The following HSPG2 variants were observed in gnomAD, a reference collection of about 807,000 sequenced individuals.
The protein encoded by HSPG2 is heparan sulfate proteoglycan 2, also known as basement membrane-specific heparan sulfate proteoglycan core protein.
A neutral mutation model predicts 526.6 loss-of-function variants in HSPG2; 278 were observed. The observed-to-expected ratio is 0.53, with a 90% CI of 0.48 to 0.58. HSPG2 has a LOEUF of 0.58. Among genes scored for constraint, HSPG2 ranks in the 20% least tolerant of loss-of-function variants. The probability of loss-of-function intolerance (pLI) is 0.00; values close to 1 mark genes in which losing one functional copy is unlikely to be tolerated. For missense variants in HSPG2, 5,354 were observed against 6,099.5 expected (o/e 0.88, Z 4.07); for synonymous variants, 2,465 against 2,555.4 (o/e 0.96, Z 1.07).
At chr1:21,835,680 C>G (rs771223726) in intron 75 of HSPG2, 43 bp from the exon 76 acceptor site, 1 of 1,472,312 alleles carries the variant, frequency 6.8e-7, no homozygotes, top group Admixed American at 1.7e-5. Flanking sequence ...TTGAAAACAA[C>G]TGATAGAATG....
In HSPG2 at chr1:21,870,877, G is replaced by A. The variant is rs1323197261; in HGVS notation, c.4221+1309C>T. The A allele has an allele frequency of 1.7e-5, 17 of 986,222 alleles. No individual in the cohort carries two copies. The East Asian group carries it at 1.2e-3, about 72-fold the overall frequency. 61.1% of individuals were successfully genotyped at this position (986,222 alleles called of 1,614,324 possible). On this transcript the variant is annotated intron_variant, in intron 33 of 96. Coordinates refer to ENST00000374695, the MANE Select transcript of HSPG2 (RefSeq NM_005529.7). ...CCGCGCAAAGTACGCCTCCCCCTGT[G>A]GGGCGCAGGGAAATGCCAGGACAGG... is the stretch of plus-strand genomic sequence containing the variant.
chr1:21,829,548 C>A lies in HSPG2; in HGVS notation c.11827G>T (p.Ala3943Ser). 1 of 1,612,224 alleles carries A rather than the reference C, an allele frequency of 6.2e-7. No individual in the cohort carries two copies. Among genetic ancestry groups the A allele is most frequent in the Non-Finnish European group, 8.5e-7 (1 of 1,179,330 alleles). The change falls in exon 87 of 97, where the codon GCC becomes TCC. Residue 3943 changes from alanine to serine, a missense_variant. Transcript: ENST00000374695. ...AGCTCGTGGTGTGTGTTGGTGAGGG[C>A]GGGCAGTGCCAGGTAGGAGCCAGCA... ...SGAGSYLALPALTNTHHELRL... is the reference protein window; with the variant it reads ...SGAGSYLALPSLTNTHHELRL...
At chr1:21,916,274 G>GGT (rs1336268867) in intron 1 of HSPG2, among the ~76,000 whole-genome samples, 1 of 152,122 alleles carries the variant, frequency 6.6e-6, no homozygotes, top group Non-Finnish European at 1.5e-5. Flanking sequence ...GACCGAGGCG[G>GGT]GTGGATCATG....
chr1:21,841,078 CA>C (rs2098046447), intron 71 of HSPG2, 22 bp downstream of exon 71: 1 of 1,577,344 alleles, frequency 6.3e-7, no homozygotes, highest in African/African-American at 1.4e-5. Flanking sequence ...GCCTCAGACC[CA>C]GAGAGGCAGC....
rs767712046 is a variant in HSPG2 at position 21,831,323 on chromosome 1, G to C, written c.11454C>G (p.Gly3818=). 3 of 1,613,812 alleles carry C rather than the reference G, an allele frequency of 1.9e-6. No individual in the cohort carries two copies. Among genetic ancestry groups the C allele is most frequent in the Admixed American group, 3.3e-5 (2 of 60,002 alleles). The change falls in exon 84 of 97, where the codon GGC becomes GGG. Residue 3818 remains glycine, a splice_region_variant and synonymous_variant. Coordinates refer to ENST00000374695, the MANE Select transcript of HSPG2 (RefSeq NM_005529.7). The part of the protein sequence containing the change: ...PKAGLSSGFI[G]CVRELRIQGE... ...CCTGGATGCGCAGCTCCCGGACACA[G>C]CCTGGGAGGTGAGTGGGCAGGATGA...
rs757191314 is a variant in HSPG2, at chr1:21,829,014, G to A, written c.12058C>T (p.Arg4020Cys). ...CGCAGGCTGCCGTCCTTGTTGAGAC[G>A]CTCTGCAGACACACGGTGCCAGCGG... ...LGRWHRVSAERLNKDGSLRVN... is the reference protein window; with the variant it reads ...LGRWHRVSAECLNKDGSLRVN... The change falls in exon 88 of 97, where the codon CGT becomes TGT. Residue 4020 changes from arginine (R) to cysteine (C), a missense_variant. Arg to Cys is a radical substitution (Grantham distance 180). Coordinates refer to ENST00000374695, the MANE Select transcript of HSPG2 (RefSeq NM_005529.7). 11 of 1,560,080 alleles carry A rather than the reference G, an allele frequency of 7.1e-6. No individual in the cohort carries two copies. Among genetic ancestry groups the A allele is most frequent in the African/African-American group, 2.7e-5 (2 of 73,462 alleles).
chr1:21,901,163 GTTA>G (rs746001821), intron 1 of HSPG2, among the ~76,000 whole-genome samples: 15 of 152,022 alleles, frequency 9.9e-5, no homozygotes, highest in Non-Finnish European at 2.2e-4. Context: ...GTGAGCTTGT[GTTA>G]TTATTATTTC....
In HSPG2 at chr1:21,836,786, C is replaced by A; in HGVS notation, c.10355+16G>T. On this transcript the variant is annotated intron_variant, in intron 75 of 96. Transcript: ENST00000374695. ...CTATGCTGCCCAAGTCCAGTCCTGC[C>A]CCCGGCCCCACTCACCGGAGCACCC... The A allele has an allele frequency of 6.5e-7, 1 of 1,542,842 alleles. No homozygotes were observed. The highest frequency in any genetic ancestry group is 2.4e-5 in the East Asian group (1 of 41,458).
intron 13 of HSPG2, among the ~76,000 whole-genome samples, chr1:21,884,050 G>A (rs1641692518): frequency 6.6e-6 from 1 of 152,228 alleles, no homozygotes; most frequent in African/African-American, 2.4e-5. Flanking sequence ...CTGTCTCTCA[G>A]AATGAGGACA....
At chr1:21,877,292 G>A (rs968982968) in intron 21 of HSPG2, among the ~76,000 whole-genome samples, 5 of 149,690 alleles carry the variant, frequency 3.3e-5, no homozygotes, top group South Asian at 2.1e-4. Context: ...CTTTCCATTC[G>A]ACATCACCTC....
chr1:21,844,313 G>T lies in HSPG2; in HGVS notation c.8465-14C>A. ...CTCCACCTGGGGCTGGGGCACAGGG[G>T]AGAGGTCAGTGAGCTGAGATGCCAC... is the stretch of plus-strand genomic sequence containing the variant. On this transcript the variant is annotated splice_polypyrimidine_tract_variant and intron_variant, in intron 64 of 96. Coordinates refer to ENST00000374695, the MANE Select transcript of HSPG2 (RefSeq NM_005529.7). 1 of 1,608,180 alleles carries T rather than the reference G, an allele frequency of 6.2e-7. No individual in the cohort carries two copies. Among genetic ancestry groups the T allele is most frequent in the South Asian group, 1.1e-5 (1 of 90,912 alleles).
At chr1:21,913,669 C>A (rs527681690) in intron 1 of HSPG2, among the ~76,000 whole-genome samples, 1 of 152,200 alleles carries the variant, frequency 6.6e-6, no homozygotes, top group Non-Finnish European at 1.5e-5. Flanking sequence ...AAGGAGCCAT[C>A]CTAGGAAATG....
intron 1 of HSPG2, among the ~76,000 whole-genome samples, chr1:21,934,845 T>TCGGCCTCCCAAAGTC (rs1644443331): frequency 6.6e-6 from 1 of 151,888 alleles, no homozygotes; most frequent in Admixed American, 6.6e-5. Flanking sequence ...TCCGCTCGCC[T>TCGGCCTCCCAAAGTC]CGGCCTCCCA....
In HSPG2 at chr1:21,887,238, T is replaced by C. The variant is rs766071606; in HGVS notation, c.1055A>G (p.Asp352Gly). ...ACGGCAGTTGGCTTCATCAGTTCGG[T>C]CCTCACAGTCAAAGTCACCATCGCA... Reference protein sequence around the residue: ...WRCDGDFDCEDRTDEANCPTK... With the variant: ...WRCDGDFDCEGRTDEANCPTK... The change falls in exon 9 of 97, where the codon GAC becomes GGC. Residue 352 changes from aspartate to glycine, a missense_variant. Coordinates refer to ENST00000374695, the MANE Select transcript of HSPG2 (RefSeq NM_005529.7). This position sits in a 1 kb window ranked among gnomAD's most constrained non-coding sequence, Gnocchi z 5.0. The C allele has an allele frequency of 1.2e-6, 2 of 1,613,630 alleles. No homozygotes were observed. Among genetic ancestry groups the C allele is most frequent in the Admixed American group, 1.7e-5 (1 of 59,912 alleles).
In HSPG2 at chr1:21,859,732, G is replaced by T; in HGVS notation, c.5183-56C>A. On this transcript the variant is annotated intron_variant, in intron 41 of 96. Coordinates refer to ENST00000374695, the MANE Select transcript of HSPG2 (RefSeq NM_005529.7). This position sits in a 1 kb window ranked among gnomAD's most constrained non-coding sequence, Gnocchi z 5.3. ...GCAGATACACTCTTTCTCACATCCA[G>T]CCCCATGCACAAGGACAGCATCCCA... is the stretch of plus-strand genomic sequence containing the variant. 1 of 1,581,026 alleles carries T rather than the reference G, an allele frequency of 6.3e-7. No individual in the cohort carries two copies. Among genetic ancestry groups the T allele is most frequent in the Non-Finnish European group, 8.6e-7 (1 of 1,161,206 alleles).
chr1:21,878,685 G>A (rs746889091), intron 18 of HSPG2, 22 bp from the exon 19 acceptor site: 1 of 1,604,552 alleles, frequency 6.2e-7, no homozygotes, highest in Non-Finnish European at 8.5e-7. Flanking sequence ...AAGTGGACAG[G>A]GCATGGGGCA....
chr1:21,884,393 G>A (rs1035049394), intron 13 of HSPG2, 135 bp downstream of exon 13: 57 of 1,228,470 alleles, frequency 4.6e-5, no homozygotes, highest in Non-Finnish European at 6.1e-5. Flanking sequence ...TTTTGACAGG[G>A]CTCAGTGTTT....
chr1:21,836,868 T>C lies in HSPG2; in HGVS notation c.10289A>G (p.Gln3430Arg). The C allele has an allele frequency of 6.3e-7, 1 of 1,580,128 alleles. No individual in the cohort carries two copies. The highest frequency in any genetic ancestry group is 2.3e-5 in the East Asian group (1 of 43,164). Residue 3430 changes from glutamine to arginine, a missense_variant, in exon 75 of 97, where the codon CAG becomes CGG. By Grantham distance (43) the Gln-to-Arg change is conservative. Transcript: ENST00000374695. ...ACCCCCTTCCTTGAACCAACGGAGC[T>C]GGGTACCCCGGTCGCTGGGCACAGC... Reference protein sequence around the residue: ...HCAVPSDRGTQLRWFKEGGQL... With the variant: ...HCAVPSDRGTRLRWFKEGGQL...
chr1:21,859,336 C>A lies in HSPG2; in HGVS notation c.5293+230G>T, dbSNP rs950930470. On this transcript the variant is annotated intron_variant, in intron 42 of 96. Transcript: ENST00000374695. This position sits in a 1 kb window ranked among gnomAD's most constrained non-coding sequence, Gnocchi z 5.3. ...TGTTGGGATTATAGACGTGACCCAC[C>A]GTGCCCGGCCCACCCTTTTCTTTTG... Among the ~76,000 whole-genome samples, 1 of 152,152 alleles carries A rather than the reference C, an allele frequency of 6.6e-6. No individual in the cohort carries two copies. Among genetic ancestry groups the A allele is most frequent in the Non-Finnish European group, 1.5e-5 (1 of 68,022 alleles).
Sources: gnomAD v4.1 joint callset for allele counts (sites outside exome capture counted in the v4.1 genomes callset) on GRCh38, gnomAD v4.1.1 for gene constraint, Gnocchi (gnomAD v3.1) non-coding constraint, MANE v1.5 for transcripts, NCBI Gene and HGNC (gene_info 2026-07-23, HGNC 2026-07-21) for gene names.